ZNF423: variants seen among roughly 807,000 people sequenced by gnomAD.
ZNF423 encodes Ebf-associated zinc finger protein.
In ZNF423, 12 loss-of-function variants were observed where a neutral mutation model predicts 95.8. That is an observed-to-expected ratio of 0.13 (90% CI 0.08 to 0.20). The LOEUF is 0.20. Among genes scored for constraint, ZNF423 ranks in the 10% least tolerant of loss-of-function variants. The probability of loss-of-function intolerance (pLI) is 1.00; values close to 1 mark genes in which losing one functional copy is unlikely to be tolerated. For synonymous variants in ZNF423, 749 were observed against 711.9 expected (o/e 1.05, Z -0.83); for missense variants, 1,316 against 1,737.1 (o/e 0.76, Z 4.31).
intron 7 of ZNF423, among the ~76,000 whole-genome samples, chr16:49,513,072 T>C (rs915308453): frequency 1.3e-5 from 2 of 152,138 alleles, no homozygotes; most frequent in Non-Finnish European, 2.9e-5. Flanking sequence ...CACTCCAGAC[T>C]GGGTGACCGA....
chr16:49,507,418 G>A (rs1208478302), intron 7 of ZNF423, among the ~76,000 whole-genome samples: 2 of 152,184 alleles, frequency 1.3e-5, no homozygotes, highest in East Asian at 3.9e-4. Context: ...ACAGGTGTGA[G>A]CCACCACGCC....
At position 49,571,526 on chromosome 16, in the gene ZNF423, T is replaced by A. The variant is rs576610200; in HGVS notation, c.3602-46032A>T. Among the ~76,000 whole-genome samples the A allele has an allele frequency of 8.6e-4, 130 of 151,804 alleles. 1 individual carries two copies. The highest frequency in any genetic ancestry group is 3.4e-3 in the Middle Eastern group (1 of 294). On this transcript the variant is annotated intron_variant, in intron 5 of 7. Coordinates refer to ENST00000563137, the MANE Select transcript of ZNF423 (RefSeq NM_001379286.1). ...TGGAATGCAGAGTGAGGGGCAAGTGTCAGATGGAGGGGAGGGGAGGATGGG... is the reference window on the plus strand; with the variant it reads ...TGGAATGCAGAGTGAGGGGCAAGTGACAGATGGAGGGGAGGGGAGGATGGG...
rs201807558 is a variant in ZNF423 at position 49,699,544 on chromosome 16, G to A, written c.301+31227C>T. Among the ~76,000 whole-genome samples the A allele has an allele frequency of 6.0e-4, 91 of 152,252 alleles. 1 individual carries two copies. Among genetic ancestry groups the A allele is most frequent in the Admixed American group, 4.4e-3 (68 of 15,308 alleles). ...AACCACATGGATTTTGATGCTGGAA[G>A]GAGGTTTGCCATCTGATTTGGCAAA... On this transcript the variant is annotated intron_variant, in intron 3 of 7. Coordinates refer to ENST00000563137, the MANE Select transcript of ZNF423 (RefSeq NM_001379286.1).
intron 3 of ZNF423, among the ~76,000 whole-genome samples, chr16:49,679,671 C>T (rs1042731154): frequency 1.3e-5 from 2 of 152,236 alleles, no homozygotes; most frequent in Non-Finnish European, 2.9e-5. Context: ...TCGGCACAAA[C>T]AGTCTGGGTG....
At chr16:49,649,673 A>G (rs980739393) in intron 3 of ZNF423, among the ~76,000 whole-genome samples, 14 of 92,948 alleles carry the variant, frequency 1.5e-4, no homozygotes, top group African/African-American at 4.2e-4. Flanking sequence ...ACACACAGGG[A>G]GAGAGAGAGA....
At chr16:49,684,984 G>A (rs1040358450) in intron 3 of ZNF423, among the ~76,000 whole-genome samples, 5 of 152,190 alleles carry the variant, frequency 3.3e-5, no homozygotes, top group Non-Finnish European at 4.4e-5. Context: ...CACCAACACC[G>A]GCTGATGGCT....
chr16:49,847,204 T>C (rs1388884643), intron 1 of ZNF423: 1 of 151,940 alleles, frequency 6.6e-6, no homozygotes, highest in East Asian at 1.9e-4. Flanking sequence ...CAGTGAAGAG[T>C]TTGCAAAGCC....
At chr16:49,580,144 A>G (rs1307769574) in intron 5 of ZNF423, among the ~76,000 whole-genome samples, 1 of 152,272 alleles carries the variant, frequency 6.6e-6, no homozygotes, top group African/African-American at 2.4e-5. Context: ...ATAATTTCCT[A>G]TTGCAGAGAA....
chr16:49,684,176 C>G (rs769105022), intron 3 of ZNF423, among the ~76,000 whole-genome samples: 1 of 152,186 alleles, frequency 6.6e-6, no homozygotes, highest in Non-Finnish European at 1.5e-5. Flanking sequence ...ATATTAGACA[C>G]CCTCTGGTTG....
rs5816643 is a variant in ZNF423 at position 49,490,871 on chromosome 16, T to TGG, written c.*402_*403dup. ...TTAAAAAGTAGTTAACCGAAGGGGG[T>TGG]GGGGGGTGGGGGGGAAGAAAAACAA... is the stretch of plus-strand genomic sequence containing the variant. On this transcript the variant is annotated 3_prime_UTR_variant, in exon 8 of 8. Transcript: ENST00000563137. 5 of 134,430 alleles carry TGG rather than the reference T, an allele frequency of 3.7e-5. No homozygotes were observed. Among genetic ancestry groups the TGG allele is most frequent in the East Asian group, 4.0e-4 (2 of 4,962 alleles). 8.3% of individuals were successfully genotyped at this position (134,430 alleles called of 1,614,324 possible).
At chr16:49,553,271 A>G (rs1331087189) in intron 5 of ZNF423, among the ~76,000 whole-genome samples, 1 of 152,172 alleles carries the variant, frequency 6.6e-6, no homozygotes, top group Non-Finnish European at 1.5e-5. Flanking sequence ...TCTAATAATT[A>G]CGACAGTTTC....
intron 1 of ZNF423, among the ~76,000 whole-genome samples, chr16:49,850,922 A>G (rs990571706): frequency 1.7e-4 from 26 of 152,002 alleles, no homozygotes; most frequent in African/African-American, 6.0e-4. Flanking sequence ...TGACAGAGCC[A>G]CTGGTCTAGG....
At chr16:49,506,951 G>A (rs1293430201) in intron 7 of ZNF423, among the ~76,000 whole-genome samples, 1 of 152,104 alleles carries the variant, frequency 6.6e-6, no homozygotes, top group African/African-American at 2.4e-5. Context: ...GTAGATGAAT[G>A]GATGAATGGT....
intron 5 of ZNF423, among the ~76,000 whole-genome samples, chr16:49,548,256 A>C (rs975533132): frequency 1.3e-5 from 2 of 152,206 alleles, no homozygotes; most frequent in African/African-American, 4.8e-5. Flanking sequence ...TGCTACAGTA[A>C]AATTTATCAA....
chr16:49,618,816 G>C (rs987267859), intron 5 of ZNF423, among the ~76,000 whole-genome samples: 1 of 152,046 alleles, frequency 6.6e-6, no homozygotes, highest in South Asian at 2.1e-4. Context: ...TGAGACCTTT[G>C]AGTCTTCCTA....
intron 2 of ZNF423, among the ~76,000 whole-genome samples, chr16:49,780,170 C>T (rs1455523265): frequency 2.6e-5 from 4 of 152,224 alleles, no homozygotes; most frequent in Admixed American, 2.0e-4. Flanking sequence ...TGGGTACCAG[C>T]ACACTTGAGT....
At chr16:49,777,767 G>C (rs2034144286) in intron 2 of ZNF423, among the ~76,000 whole-genome samples, 1 of 152,346 alleles carries the variant, frequency 6.6e-6, no homozygotes, top group Non-Finnish European at 1.5e-5. Context: ...TTGCTCATCT[G>C]TGAGACGGGA....
rs991736173 is a variant in ZNF423, at chr16:49,700,861, T to C, written c.301+29910A>G. ...AAAATGTGAGTTCCTGAGTCCCCTGTGTGATCCAGTCACTCTGGCAGAAAG... is the reference window on the plus strand; with the variant it reads ...AAAATGTGAGTTCCTGAGTCCCCTGCGTGATCCAGTCACTCTGGCAGAAAG... On this transcript the variant is annotated intron_variant, in intron 3 of 7. Coordinates refer to ENST00000563137, the MANE Select transcript of ZNF423 (RefSeq NM_001379286.1). Among the ~76,000 whole-genome samples, 11 of 151,844 alleles carry C rather than the reference T, an allele frequency of 7.2e-5. No individual in the cohort carries two copies. In the South Asian group the frequency reaches 2.3e-3, roughly 32 times the overall value.
intron 3 of ZNF423, among the ~76,000 whole-genome samples, chr16:49,700,215 A>AAAAAAAGAAG (rs1555473664): frequency 3.7e-5 from 5 of 136,112 alleles, no homozygotes; most frequent in African/African-American, 5.8e-5. Flanking sequence ...AAAAAAAAAA[A>AAAAAAAGAAG]AACAAGAAGA....
Sources: allele counts gnomAD v4.1 joint callset (sites outside exome capture counted in the v4.1 genomes callset), GRCh38; gene constraint gnomAD v4.1.1; transcripts MANE v1.5; gene names NCBI Gene and HGNC (gene_info 2026-07-23, HGNC 2026-07-21).